The following ABCG2 variants were observed in gnomAD, a reference collection of about 807,000 sequenced individuals.
The protein encoded by ABCG2 is broad substrate specificity ATP-binding cassette transporter ABCG2.
Under a neutral mutation model 73.5 loss-of-function variants are expected in ABCG2, and 80 were observed. The observed-to-expected ratio is 1.09, with a 90% CI of 0.91 to 1.31. ABCG2 has a LOEUF of 1.31. Ranked by LOEUF, ABCG2 falls within the 50% of genes most tolerant of loss-of-function variation. The pLI, the probability that ABCG2 is intolerant of heterozygous loss-of-function variation, is 0.00. For synonymous variants in ABCG2, 269 were observed against 282.4 expected, an observed-to-expected ratio of 0.95 and a Z score of 0.48; for missense variants, 796 against 786.2, an observed-to-expected ratio of 1.01 and a Z score of -0.15.
intron 1 of ABCG2, among the ~76,000 whole-genome samples, chr4:88,202,353 T>TAGA (rs59941193): frequency 1.5e-5 from 1 of 66,654 alleles, no homozygotes; most frequent in Non-Finnish European, 3.2e-5. Flanking sequence ...TCTACAATTA[T>TAGA]TTATATATAT....
chr4:88,203,878 AT>A (rs33984901), intron 1 of ABCG2, among the ~76,000 whole-genome samples: 63,781 of 150,702 alleles, frequency 0.42, 14,701 homozygotes, highest in East Asian at 0.67. Context: ...GTGGCACAAT[AT>A]TTTTTTTTTA....
intron 1 of ABCG2, among the ~76,000 whole-genome samples, chr4:88,175,657 C>T (rs13128241): frequency 0.24 from 36,194 of 152,168 alleles, 5,692 homozygotes; most frequent in African/African-American, 0.45. Flanking sequence ...ATTGCAGTTA[C>T]TCTTATTGAT....
chr4:88,190,520 G>A (rs1002998959), intron 1 of ABCG2, among the ~76,000 whole-genome samples: 1 of 152,180 alleles, frequency 6.6e-6, no homozygotes. Flanking sequence ...CAATTCCCTT[G>A]AAGATGAGTT....
At chr4:88,195,091 A>T (rs908047217) in intron 1 of ABCG2, among the ~76,000 whole-genome samples, 1 of 152,134 alleles carries the variant, frequency 6.6e-6, no homozygotes, top group African/African-American at 2.4e-5. Flanking sequence ...TTTTACCGCC[A>T]GGCCTGGGGG....
intron 6 of ABCG2, among the ~76,000 whole-genome samples, chr4:88,118,968 T>C (rs1168656216): frequency 6.6e-6 from 1 of 152,216 alleles, no homozygotes; most frequent in East Asian, 1.9e-4. Flanking sequence ...AAGTACCTTT[T>C]CACAGGAGTT....
intron 9 of ABCG2, among the ~76,000 whole-genome samples, chr4:88,111,142 T>C (rs1723105381): frequency 6.6e-6 from 1 of 152,234 alleles, no homozygotes; most frequent in Non-Finnish European, 1.5e-5. Context: ...ACATAGGCGA[T>C]TTGGACAAGA....
chr4:88,158,663 G>A (rs1413491432), upstream of ABCG2: 3 of 456,116 alleles, frequency 6.6e-6, no homozygotes, highest in African/African-American at 4.0e-5. Flanking sequence ...TGCGCGCCCG[G>A]AACCTTTTGA....
chr4:88,100,754 A>T (rs1722351938), intron 11 of ABCG2, among the ~76,000 whole-genome samples: 1 of 152,196 alleles, frequency 6.6e-6, no homozygotes, highest in Non-Finnish European at 1.5e-5. Flanking sequence ...TGGTCCACCG[A>T]GGGCTAAGCA....
intron 5 of ABCG2, among the ~76,000 whole-genome samples, chr4:88,127,650 C>G (rs1446110095): frequency 6.6e-6 from 1 of 152,076 alleles, no homozygotes; most frequent in African/African-American, 2.4e-5. Flanking sequence ...TTTGACATAC[C>G]TGACAAAAAC....
intron 1 of ABCG2, among the ~76,000 whole-genome samples, chr4:88,216,609 G>A (rs190870194): frequency 3.5e-4 from 53 of 152,298 alleles, no homozygotes; most frequent in Admixed American, 1.1e-3. Flanking sequence ...ACACTAAGCC[G>A]CTGATAAGGC....
intron 1 of ABCG2, among the ~76,000 whole-genome samples, chr4:88,217,973 TAAAA>T (rs34088003): frequency 3.2e-4 from 45 of 139,706 alleles, no homozygotes; most frequent in Non-Finnish European, 2.9e-4. Flanking sequence ...TTCTAAAAAT[TAAAA>T]AAAAAAAAAA....
intron 10 of ABCG2, among the ~76,000 whole-genome samples, chr4:88,106,617 A>G (rs1450479922): frequency 6.6e-6 from 1 of 152,226 alleles, no homozygotes; most frequent in Non-Finnish European, 1.5e-5. Context: ...AGAGGCAGAT[A>G]TGAGATGGGA....
At chr4:88,202,350 T>TTTTATATATATATATATATATATATATA (rs1553945696) in intron 1 of ABCG2, among the ~76,000 whole-genome samples, 3 of 35,394 alleles carry the variant, frequency 8.5e-5, no homozygotes, top group African/African-American at 3.0e-4. Context: ...ATCTCTACAA[T>TTTTATATATATATATATATATATATATA]TATTTATATA....
chr4:88,168,023 T>C (rs1246135600), intron 1 of ABCG2, among the ~76,000 whole-genome samples: 1 of 132,320 alleles, frequency 7.6e-6, no homozygotes, highest in African/African-American at 2.9e-5. Context: ...CTTTTAGACA[T>C]GGAAAGTGAA....
chr4:88,155,624 G>A (rs1726882487), intron 1 of ABCG2, among the ~76,000 whole-genome samples: 2 of 152,326 alleles, frequency 1.3e-5, no homozygotes, highest in African/African-American at 2.4e-5. Context: ...GTAACTCTAG[G>A]CCGGGCACGG....
intron 7 of ABCG2, among the ~76,000 whole-genome samples, 176 bp from the exon 8 acceptor site, chr4:88,115,234 C>CTCTCTCTCTCTG (rs1723463987): frequency 4.4e-5 from 2 of 45,842 alleles, no homozygotes; most frequent in African/African-American, 5.8e-5. Flanking sequence ...TATATTCAGT[C>CTCTCTCTCTCTG]TCTCTCTCTC....
intron 10 of ABCG2, among the ~76,000 whole-genome samples, chr4:88,104,397 T>G (rs1409462716): frequency 6.6e-6 from 1 of 152,168 alleles, no homozygotes; most frequent in Admixed American, 6.5e-5. Context: ...TGCTGAAACA[T>G]TTTTTCCTCA....
upstream of ABCG2, chr4:88,159,346 C>G (rs530033540): frequency 2.2e-4 from 84 of 383,298 alleles, no homozygotes; most frequent in African/African-American, 1.3e-3. Flanking sequence ...GAATGGGATT[C>G]TGAGAAAGTG....
exon 1 of ABCG2, chr4:88,231,105 C>T (rs1730446892): frequency 6.6e-6 from 1 of 152,164 alleles, no homozygotes; most frequent in Non-Finnish European, 1.5e-5. Context: ...CAGACTTCAA[C>T]CAGGACCCAC....
Sources: gnomAD v4.1 joint callset for allele counts (sites outside exome capture counted in the v4.1 genomes callset) on GRCh38, gnomAD v4.1.1 for gene constraint, MANE v1.5 for transcripts, NCBI Gene and HGNC (gene_info 2026-07-23, HGNC 2026-07-21) for gene names.